Variants in CCDC30 observed in about 807,000 individuals in gnomAD.
The protein encoded by CCDC30 is coiled-coil domain containing 30.
A neutral mutation model predicts 100.2 loss-of-function variants in CCDC30; 70 were observed. The ratio of observed to expected loss-of-function variants is 0.70; its 90% CI spans 0.58 to 0.85. CCDC30 has a LOEUF of 0.85. CCDC30 is among the 40% of genes least tolerant of loss of function. The probability of loss-of-function intolerance (pLI) is 0.00; values close to 1 mark genes in which losing one functional copy is unlikely to be tolerated. For synonymous variants in CCDC30, 233 were observed against 269.5 expected (o/e 0.86, Z 1.33); for missense variants, 652 against 771.2 (o/e 0.85, Z 1.83).
At chr1:42,509,579 C>T (rs747126256) in intron 6 of CCDC30, among the ~76,000 whole-genome samples, 7 of 152,068 alleles carry the variant, frequency 4.6e-5, no homozygotes, top group African/African-American at 7.2e-5. Context: ...GGTCATGTTC[C>T]GAAGGACATA....
rs754639961 is a variant in CCDC30 at position 42,581,547 on chromosome 1, G to T, written c.1001+33G>T. 2.5e-6 allele frequency: 4 copies of T among 1,589,466 alleles called. No individual in the cohort carries two copies. The African/African-American group carries it at 5.5e-5, about 22-fold the overall frequency. ...GAGCAGAGATCTCAGTTTCCTGTGG[G>T]TTTAGCCATGACTGAGTTAATCAGC... On this transcript the variant is annotated intron_variant, in intron 9 of 16. Transcript: ENST00000668663.
At chr1:42,546,399 A>ATACATGTATATGT (rs1404484081) in intron 6 of CCDC30, among the ~76,000 whole-genome samples, 1 of 11,970 alleles carries the variant, frequency 8.4e-5, no homozygotes, top group Non-Finnish European at 2.1e-4. Flanking sequence ...AAAAAAAAAA[A>ATACATGTATATGT]ATATATATAT....
At chr1:42,580,947 C>T (rs1645951548) in intron 8 of CCDC30, 2 of 444,418 alleles carry the variant, frequency 4.5e-6, no homozygotes, top group Non-Finnish European at 9.0e-6. Context: ...ATCAAACAAA[C>T]AAATACTCAG....
chr1:42,650,497 A>ATATATGTGTG (rs1181889086), intron 15 of CCDC30, among the ~76,000 whole-genome samples: 19 of 136,292 alleles, frequency 1.4e-4, no homozygotes, highest in Middle Eastern at 3.7e-3. Context: ...AAAAATATAT[A>ATATATGTGTG]TGTGTGTGTG....
intron 6 of CCDC30, 119 bp from the exon 7 acceptor site, chr1:42,536,357 C>G: frequency 3.3e-6 from 2 of 607,598 alleles, no homozygotes; most frequent in Non-Finnish European, 5.4e-6. Context: ...AACTAGTTTT[C>G]CTAGGTTCAT....
chr1:42,538,785 A>G (rs1352563399), intron 6 of CCDC30, among the ~76,000 whole-genome samples: 1 of 152,224 alleles, frequency 6.6e-6, no homozygotes, highest in African/African-American at 2.4e-5. Flanking sequence ...GGTAAACCAC[A>G]TAGCACTTTG....
At chr1:42,485,041 GTTAAA>G (rs1644027795) in intron 3 of CCDC30, among the ~76,000 whole-genome samples, 1 of 151,992 alleles carries the variant, frequency 6.6e-6, no homozygotes, top group Admixed American at 6.6e-5. Flanking sequence ...TTAAATTTTT[GTTAAA>G]TTAATTTTTT....
intron 13 of CCDC30, among the ~76,000 whole-genome samples, chr1:42,643,010 T>C (rs1647586534): frequency 6.6e-6 from 1 of 152,234 alleles, no homozygotes. Context: ...TATTAATTTT[T>C]AATGAGAAAT....
rs1253722301 is a variant in CCDC30, at chr1:42,596,810, C to T, written c.1164+7327C>T. ...GCATTAGAACCAGGCTCAGATACAG[C>T]AGGAATATTGAAATTATCAGACCAG... is the stretch of plus-strand genomic sequence containing the variant. On this transcript the variant is annotated intron_variant, in intron 10 of 16. Transcript: ENST00000668663. The surrounding 1 kb of genome is among the most constrained non-coding windows in gnomAD (Gnocchi z 4.3). Among the ~76,000 whole-genome samples, 1 of 151,962 alleles carries T rather than the reference C, an allele frequency of 6.6e-6. No homozygotes were observed. The highest frequency in any genetic ancestry group is 1.5e-5 in the Non-Finnish European group (1 of 68,028).
intron 9 of CCDC30, among the ~76,000 whole-genome samples, chr1:42,585,896 T>C (rs1646058979): frequency 1.3e-5 from 2 of 151,400 alleles, no homozygotes; most frequent in Admixed American, 6.6e-5. Context: ...TTGTATGACA[T>C]TGTTACATAG....
chr1:42,485,664 G>T (rs1644037937), intron 3 of CCDC30, among the ~76,000 whole-genome samples: 1 of 151,914 alleles, frequency 6.6e-6, no homozygotes, highest in Admixed American at 6.6e-5. Context: ...AAAAAGATGG[G>T]CAAAGGATTT....
chr1:42,456,591 A>G, the CCDC30 span: 1 of 1,503,032 alleles, frequency 6.7e-7, no homozygotes, highest in Non-Finnish European at 8.9e-7. Flanking sequence ...CCGGTAGCCG[A>G]GTTCCCCCAG....
chr1:42,625,384 A>G (rs1646913994), intron 11 of CCDC30, among the ~76,000 whole-genome samples: 1 of 151,476 alleles, frequency 6.6e-6, no homozygotes, highest in South Asian at 2.1e-4. Flanking sequence ...CTCTGCTCTG[A>G]TCTTTATGAT....
rs144641180 is a variant in CCDC30 at position 42,621,793 on chromosome 1, G to C, written c.1277+10703G>C. On this transcript the variant is annotated intron_variant, in intron 11 of 16. Transcript: ENST00000668663. ...CCCAAAGTGCCGGGATTACAGGTGT[G>C]AGCCACCGCGCCCGGCCTAATTTTG... Among the ~76,000 whole-genome samples the C allele has an allele frequency of 4.9e-3, 737 of 151,730 alleles. 3 individuals carry two copies. The highest frequency in any genetic ancestry group is 0.017 in the African/African-American group (699 of 41,240).
intron 3 of CCDC30, among the ~76,000 whole-genome samples, chr1:42,487,994 C>T (rs950749593): frequency 3.3e-5 from 5 of 152,010 alleles, no homozygotes; most frequent in Non-Finnish European, 5.9e-5. Context: ...ATTTGTTATA[C>T]GACATTAGAA....
At chr1:42,546,631 T>C (rs1273957829) in intron 6 of CCDC30, among the ~76,000 whole-genome samples, 2 of 151,748 alleles carry the variant, frequency 1.3e-5, no homozygotes, top group East Asian at 1.9e-4. Flanking sequence ...ATTATGACTA[T>C]ACTCTGCAGA....
chr1:42,555,526 G>A (rs930557496), intron 6 of CCDC30, among the ~76,000 whole-genome samples: 3 of 152,176 alleles, frequency 2.0e-5, no homozygotes, highest in Non-Finnish European at 4.4e-5. Context: ...AAAGTGGCTA[G>A]TGCTTATTAA....
intron 9 of CCDC30, 123 bp downstream of exon 13, chr1:42,581,637 C>G: frequency 2.6e-6 from 2 of 783,994 alleles, no homozygotes; most frequent in Non-Finnish European, 4.0e-6. Context: ...GAAGTAAACT[C>G]AGCCACACAC....
chr1:42,545,755 TGGG>T (rs1645116413), intron 6 of CCDC30, among the ~76,000 whole-genome samples, 176 bp downstream of exon 9: 1 of 151,968 alleles, frequency 6.6e-6, no homozygotes, highest in Non-Finnish European at 1.5e-5. Flanking sequence ...GAGACCAGCC[TGGG>T]CAACATGGCA....
Sources: allele counts gnomAD v4.1 joint callset (sites outside exome capture counted in the v4.1 genomes callset), GRCh38; gene constraint gnomAD v4.1.1; non-coding constraint Gnocchi (gnomAD v3.1); transcripts MANE v1.5; gene names NCBI Gene and HGNC (gene_info 2026-07-23, HGNC 2026-07-21).